Variants in ALDOB observed in about 807,000 individuals in gnomAD.
ALDOB encodes fructose-bisphosphate aldolase B.
In ALDOB, 39 loss-of-function variants were observed where a neutral mutation model predicts 41.0. The ratio of observed to expected loss-of-function variants is 0.95; its 90% CI spans 0.74 to 1.24. The LOEUF is 1.24. Among genes scored for constraint, ALDOB ranks in the 50% most tolerant of loss-of-function variants. The probability of loss-of-function intolerance (pLI) is 0.00; values close to 1 mark genes in which losing one functional copy is unlikely to be tolerated. For missense variants in ALDOB, 530 were observed against 457.3 expected, an observed-to-expected ratio of 1.16 and a Z score of -1.45; for synonymous variants, 175 against 168.8, an observed-to-expected ratio of 1.04 and a Z score of -0.28.
Position 101,424,994 on chromosome 9 carries a change from T to C in ALDOB, c.848A>G (p.Asn283Ser), listed in dbSNP as rs1380364278. 7.4e-6 allele frequency: 12 copies of C among 1,614,160 alleles called. No individual in the cohort carries two copies. The highest frequency in any genetic ancestry group is 4.5e-5 in the East Asian group (2 of 44,876). Residue 283 changes from asparagine to serine, a missense_variant, in exon 8 of 9, where the codon AAC (asparagine) becomes AGC (serine). Physicochemically the swap from Asn to Ser is conservative, Grantham distance 46. Transcript: ENST00000647789. ...AGGGCAAAGGTTGATAGCATTGAGG[T>C]TGAGAGTGGCATCCTCTTCACTCAT... ...GGMSEEDATL[N>S]LNAINLCPLP...
In ALDOB at chr9:101,427,633, C is replaced by G. The variant is rs199981226; in HGVS notation, c.389G>C (p.Gly130Ala). 7 of 1,614,100 alleles carry G rather than the reference C, an allele frequency of 4.3e-6. No individual in the cohort carries two copies. The Admixed American group carries it at 1.2e-4, about 27-fold the overall frequency. Residue 130 changes from glycine to alanine, a missense_variant, in exon 5 of 9, where the codon GGC becomes GCC. Coordinates refer to ENST00000647789, the MANE Select transcript of ALDOB (RefSeq NM_000035.4). ...GTACTGAGCACAGCGCTCTGAGAGG[C>G]CATCAAGCCCTGCAAGTCACAAAAG... ...NKETTIQGLD[G>A]LSERCAQYKK...
rs370650345 is a variant in ALDOB at position 101,424,252 on chromosome 9, TA to T, written c.999+590del. 1.7e-3 allele frequency among the ~76,000 whole-genome samples: 263 copies of T among 152,262 alleles called. 2 individuals carry two copies. The highest frequency in any genetic ancestry group is 6.1e-3 in the African/African-American group (252 of 41,544). On this transcript the variant is annotated intron_variant, in intron 8 of 8. Coordinates refer to ENST00000647789, the MANE Select transcript of ALDOB (RefSeq NM_000035.4). ...GGCCAACATGGTGAAACCCCATCTTTACTAAAATATACAGAAATTAGCCAGG... is the reference window on the plus strand; with the variant it reads ...GGCCAACATGGTGAAACCCCATCTTTCTAAAATATACAGAAATTAGCCAGG...
In ALDOB at chr9:101,421,681, A is replaced by T; in HGVS notation, c.*128T>A. ...TTATTTTTTCCCCCTTGTACTTAAG[A>T]TTTAACATGTGTTGTATTTCCAGCA... On this transcript the variant is annotated 3_prime_UTR_variant, in exon 9 of 9. Coordinates refer to ENST00000647789, the MANE Select transcript of ALDOB (RefSeq NM_000035.4). The T allele has an allele frequency of 3.8e-6, 3 of 782,836 alleles. No homozygotes were observed. The highest frequency in any genetic ancestry group is 6.8e-6 in the Non-Finnish European group (3 of 443,040). The allele number at this position is 782,836 out of a possible 1,614,324, so 48.5% of individuals were successfully genotyped here.
intron 1 of ALDOB, among the ~76,000 whole-genome samples, chr9:101,435,317 T>C (rs1564080104): frequency 6.6e-6 from 1 of 152,120 alleles, no homozygotes; most frequent in Non-Finnish European, 1.5e-5. Context: ...AATAAATCAC[T>C]AAAATAAGTA....
In ALDOB at chr9:101,425,699, C is replaced by CA. The variant is rs1288599712; in HGVS notation, c.625-73dup. On this transcript the variant is annotated intron_variant, in intron 6 of 8. Coordinates refer to ENST00000647789, the MANE Select transcript of ALDOB (RefSeq NM_000035.4). ...GAGCCACTTGACCTTGGCACATTTA[C>CA]ACTGCAGGGAGGCAGGATGAAGGAA... 2.7e-6 allele frequency: 4 copies of CA among 1,498,420 alleles called. No homozygotes were observed. The Admixed American group carries it at 6.7e-5, about 25-fold the overall frequency. The allele number at this position is 1,498,420 out of a possible 1,614,324, so 92.8% of individuals were successfully genotyped here. A position where few individuals can be genotyped will look rare whatever the true frequency, so the allele number is the denominator to read the frequency against.
intron 7 of ALDOB, 38 bp downstream of exon 7, chr9:101,425,415 G>T: frequency 6.2e-7 from 1 of 1,608,650 alleles, no homozygotes; most frequent in South Asian, 1.1e-5. Context: ...AAAGAATGAG[G>T]GCTAAGACCT....
At chr9:101,430,930 A>G in intron 1 of ALDOB, 33 bp from the exon 2 acceptor site, 1 of 1,479,094 alleles carries the variant, frequency 6.8e-7, no homozygotes, top group South Asian at 1.1e-5. Flanking sequence ...TGTGCACAGA[A>G]CCATGGGTGG....
intron 6 of ALDOB, 50 bp from the exon 7 acceptor site, chr9:101,425,677 C>A (rs777708190): frequency 6.3e-7 from 1 of 1,596,482 alleles, no homozygotes; most frequent in South Asian, 1.1e-5. Flanking sequence ...AGTCATAGAG[C>A]CACTTGACCT....
At chr9:101,429,533 T>A (rs192851595) in intron 3 of ALDOB, among the ~76,000 whole-genome samples, 1 of 152,176 alleles carries the variant, frequency 6.6e-6, no homozygotes, top group Admixed American at 6.5e-5. Context: ...GAGATTGAGA[T>A]GCAAAGAGAT....
In ALDOB at chr9:101,424,992, G is replaced by A; in HGVS notation, c.850C>T (p.Leu284Phe). ...AGAGGGCAAAGGTTGATAGCATTGA[G>A]GTTGAGAGTGGCATCCTCTTCACTC... The part of the protein sequence containing the change: ...GMSEEDATLN[L>F]NAINLCPLPK... The change falls in exon 8 of 9, where the codon CTC (leucine) becomes TTC (phenylalanine). Residue 284 changes from leucine (L) to phenylalanine (F), a missense_variant. Leu to Phe is a conservative substitution (Grantham distance 22). Transcript: ENST00000647789. 2 of 1,614,202 alleles carry A rather than the reference G, an allele frequency of 1.2e-6. No individual in the cohort carries two copies. The highest frequency in any genetic ancestry group is 1.7e-5 in the Admixed American group (1 of 60,028).
chr9:101,423,031 G>A (rs756776018), intron 8 of ALDOB, among the ~76,000 whole-genome samples: 2 of 152,114 alleles, frequency 1.3e-5, no homozygotes, highest in Non-Finnish European at 2.9e-5. Context: ...GATGACCTGC[G>A]CTTTCACAAT....
chr9:101,425,092 T>C (rs910945627), intron 7 of ALDOB, 50 bp from the exon 8 acceptor site: 15 of 1,595,554 alleles, frequency 9.4e-6, no homozygotes, highest in Non-Finnish European at 1.3e-5. Context: ...TTATATACCC[T>C]GCTTGAGAAA....
chr9:101,433,583 T>C (rs928940589), intron 1 of ALDOB, among the ~76,000 whole-genome samples: 3 of 152,208 alleles, frequency 2.0e-5, no homozygotes, highest in Non-Finnish European at 4.4e-5. Context: ...GTTCACATTA[T>C]ATTATTAAAT....
In ALDOB at chr9:101,429,966, C is replaced by T; in HGVS notation, c.113G>A (p.Gly38Asp). The part of the protein sequence containing the change: ...KGILAADESV[G>D]TMGNRLQRIK... Reference sequence around the variant, plus strand: ...CCTCTGCAGGCGGTTCCCCATGGTACCTATGGTGGGAGGGCCAAGGGCAGC... The same window carrying T: ...CCTCTGCAGGCGGTTCCCCATGGTATCTATGGTGGGAGGGCCAAGGGCAGC... Residue 38 changes from glycine to aspartate, a missense_variant and splice_region_variant, in exon 3 of 9, where the codon GGT becomes GAT. Coordinates refer to ENST00000647789, the MANE Select transcript of ALDOB (RefSeq NM_000035.4). 6.2e-7 allele frequency: 1 copy of T among 1,613,952 alleles called. No homozygotes were observed. The highest frequency in any genetic ancestry group is 1.7e-5 in the Admixed American group (1 of 60,024).
intron 1 of ALDOB, among the ~76,000 whole-genome samples, chr9:101,432,440 A>G (rs1004315474): frequency 1.3e-5 from 2 of 152,230 alleles, no homozygotes; most frequent in African/African-American, 2.4e-5. Context: ...TCATGCTGAA[A>G]AAAGCCAACC....
chr9:101,424,895 C>A lies in ALDOB; in HGVS notation c.947G>T (p.Gly316Val). ...GGTTGCCTCCTTGTTTGCAGCCTTG[C>A]CACCCCAGGCAGCCAGTGCACTGGC... The part of the protein sequence containing the change: ...LQASALAAWG[G>V]KAANKEATQE... Residue 316 changes from glycine to valine, a missense_variant, in exon 8 of 9, where the codon GGC becomes GTC. By Grantham distance (109) the Gly-to-Val change is moderately radical. Transcript: ENST00000647789. 6.2e-7 allele frequency: 1 copy of A among 1,614,040 alleles called. No homozygotes were observed. Among genetic ancestry groups the A allele is most frequent in the Non-Finnish European group, 8.5e-7 (1 of 1,180,040 alleles).
rs1387179219 is a variant in ALDOB at position 101,429,949 on chromosome 9, G to C, written c.130C>G (p.Leu44Val). ...GTGTTTTCCACCTTGATCCTCTGCA[G>C]GCGGTTCCCCATGGTACCTATGGTG... ...DESVGTMGNR[L>V]QRIKVENTEE... Residue 44 changes from leucine to valine, a missense_variant, in exon 3 of 9, where the codon CTG becomes GTG. Physicochemically the swap from Leu to Val is conservative, Grantham distance 32. Transcript: ENST00000647789. 6 of 1,614,140 alleles carry C rather than the reference G, an allele frequency of 3.7e-6. No individual in the cohort carries two copies. In the South Asian group the frequency reaches 6.6e-5, roughly 18 times the overall value.
chr9:101,433,946 A>C (rs1007977115), intron 1 of ALDOB, among the ~76,000 whole-genome samples: 1 of 145,008 alleles, frequency 6.9e-6, no homozygotes, highest in Non-Finnish European at 1.5e-5. Context: ...TTTTTTTTTT[A>C]TTTTTGGTAT....
Position 101,421,478 on chromosome 9 carries a change from C to G in ALDOB, c.*331G>C. On this transcript the variant is annotated 3_prime_UTR_variant, in exon 9 of 9. Transcript: ENST00000647789. Reference sequence around the variant, plus strand: ...ATAAGATGCACTTCTCTACACTCAGCTAATGAGGTGTTTCAATCAGCAGTT... The same window carrying G: ...ATAAGATGCACTTCTCTACACTCAGGTAATGAGGTGTTTCAATCAGCAGTT... 2.5e-6 allele frequency: 1 copy of G among 393,476 alleles called. No homozygotes were observed. Among genetic ancestry groups the G allele is most frequent in the East Asian group, 6.1e-5 (1 of 16,288 alleles). The allele number at this position is 393,476 out of a possible 1,614,324, so 24.4% of individuals were successfully genotyped here.
Sources: gnomAD v4.1 joint callset for allele counts (sites outside exome capture counted in the v4.1 genomes callset) on GRCh38, gnomAD v4.1.1 for gene constraint, MANE v1.5 for transcripts, NCBI Gene and HGNC (gene_info 2026-07-23, HGNC 2026-07-21) for gene names.